Variants in PACS1 observed in about 807,000 individuals in gnomAD.
The protein encoded by PACS1 is phosphofurin acidic cluster sorting protein 1, also known as PACS-1.
PACS1 carries 24 observed loss-of-function variants against 115.0 expected under a neutral mutation model. That is an observed-to-expected ratio of 0.21 (90% CI 0.15 to 0.29). The LOEUF (loss-of-function observed/expected upper bound fraction) is 0.29. Ranked by LOEUF, PACS1 falls within the 10% of genes least tolerant of loss-of-function variation. The pLI is 1.00. For missense variants in PACS1, 838 were observed against 1,251.2 expected (o/e 0.67, Z 4.98); for synonymous variants, 453 against 504.5 (o/e 0.90, Z 1.37).
chr11:66,184,562 T>C (rs1357113439), intron 1 of PACS1, among the ~76,000 whole-genome samples: 1 of 152,210 alleles, frequency 6.6e-6, no homozygotes, highest in Non-Finnish European at 1.5e-5. Flanking sequence ...TACCCAGTTA[T>C]CAAGTAGACA....
At chr11:66,092,180 C>T (rs1857679396) in intron 1 of PACS1, among the ~76,000 whole-genome samples, 1 of 152,060 alleles carries the variant, frequency 6.6e-6, no homozygotes, top group Non-Finnish European at 1.5e-5. Flanking sequence ...CTCTCCAGCA[C>T]CTGTTGTTTC....
intron 1 of PACS1, among the ~76,000 whole-genome samples, chr11:66,137,053 C>G (rs1317035623): frequency 2.1e-5 from 3 of 141,672 alleles, no homozygotes; most frequent in Admixed American, 1.5e-4. Context: ...TCATTTGTCT[C>G]CAAGCTCTGT....
rs75325430 is a variant in PACS1 at position 66,155,125 on chromosome 11, A to G, written c.357-38361A>G. On this transcript the variant is annotated intron_variant, in intron 1 of 23. Coordinates refer to ENST00000320580, the MANE Select transcript of PACS1 (RefSeq NM_018026.4). ...TTAACCCATACCTTATACACTGCCC[A>G]GAAAGCTCAAAACGGACCAAAGTCC... 4.5e-3 allele frequency among the ~76,000 whole-genome samples: 681 copies of G among 152,346 alleles called. 1 individual carries two copies. Among genetic ancestry groups the G allele is most frequent in the African/African-American group, 0.016 (651 of 41,576 alleles).
chr11:66,232,530 A>G (rs1193742616), intron 14 of PACS1, among the ~76,000 whole-genome samples: 1 of 152,152 alleles, frequency 6.6e-6, no homozygotes, highest in Non-Finnish European at 1.5e-5. Flanking sequence ...AAACAAACAA[A>G]AAGCAACAGT....
intron 7 of PACS1, chr11:66,217,182 G>A (rs1212025940): frequency 7.0e-6 from 2 of 285,474 alleles, no homozygotes; most frequent in South Asian, 3.6e-5. Context: ...CTTAGGCAGA[G>A]ATAATAGGCT....
rs187576106 is a variant in PACS1, at chr11:66,173,255, T to C, written c.357-20231T>C. Among the ~76,000 whole-genome samples, 83 of 152,188 alleles carry C rather than the reference T, an allele frequency of 5.5e-4. 1 individual carries two copies. The highest frequency in any genetic ancestry group is 1.8e-3 in the Admixed American group (28 of 15,282). ...GCCATCTGAAAATGTCTTTAATTAA[T>C]GCCCATTCCTAAAATATATTTTATC... On this transcript the variant is annotated intron_variant, in intron 1 of 23. Coordinates refer to ENST00000320580, the MANE Select transcript of PACS1 (RefSeq NM_018026.4).
intron 1 of PACS1, among the ~76,000 whole-genome samples, chr11:66,071,192 C>T (rs1206271805): frequency 1.3e-5 from 2 of 152,228 alleles, no homozygotes. Flanking sequence ...GCTGTACATA[C>T]ATGGATGTGG....
At chr11:66,240,197 G>C (rs1855783334) in intron 21 of PACS1, among the ~76,000 whole-genome samples, 1 of 152,236 alleles carries the variant, frequency 6.6e-6, no homozygotes, top group Non-Finnish European at 1.5e-5. Context: ...GCGGAGCTCG[G>C]GTTCAGGCTG....
intron 2 of PACS1, among the ~76,000 whole-genome samples, chr11:66,200,388 C>T (rs976268886): frequency 1.3e-5 from 2 of 151,798 alleles, no homozygotes; most frequent in South Asian, 2.1e-4. Flanking sequence ...AAACATCTAT[C>T]GCCTACGAGA....
At chr11:66,112,022 G>A (rs6591205) in intron 1 of PACS1, among the ~76,000 whole-genome samples, 10,276 of 152,112 alleles carry the variant, frequency 0.068, 519 homozygotes, top group African/African-American at 0.15. Flanking sequence ...CCCATCCCCC[G>A]TGGTTCCCTT....
At chr11:66,207,335 C>T (rs1854964847) in intron 2 of PACS1, among the ~76,000 whole-genome samples, 1 of 152,060 alleles carries the variant, frequency 6.6e-6, no homozygotes, top group Admixed American at 6.6e-5. Context: ...GGCGTGATGG[C>T]ACTCACCTGT....
chr11:66,220,889 C>T, intron 9 of PACS1, 98 bp downstream of exon 9: 1 of 1,324,972 alleles, frequency 7.5e-7, no homozygotes, highest in Non-Finnish European at 1.0e-6. Flanking sequence ...ACCAGAGAAT[C>T]TTGGTCCTTC....
At chr11:66,155,388 C>T (rs896632245) in intron 1 of PACS1, among the ~76,000 whole-genome samples, 1 of 152,108 alleles carries the variant, frequency 6.6e-6, no homozygotes, top group Non-Finnish European at 1.5e-5. Context: ...TTGTAAAGAA[C>T]TCTTACAGTT....
chr11:66,149,040 C>A (rs144068714), intron 1 of PACS1, among the ~76,000 whole-genome samples: 6 of 149,852 alleles, frequency 4.0e-5, no homozygotes, highest in African/African-American at 1.5e-4. Context: ...TTGAGCAGCA[C>A]AGAAGTATAT....
chr11:66,199,350 T>G (rs1740986835), intron 2 of PACS1, among the ~76,000 whole-genome samples: 1 of 151,774 alleles, frequency 6.6e-6, no homozygotes, highest in Admixed American at 6.6e-5. Flanking sequence ...GGGATGAAGT[T>G]GAACTATAGA....
At chr11:66,238,208 CA>C (rs931288707) in intron 19 of PACS1, 2 of 985,178 alleles carry the variant, frequency 2.0e-6, no homozygotes, top group African/African-American at 3.5e-5. Context: ...CCAGGAAGAC[CA>C]GAGAGGAGAA....
intron 1 of PACS1, among the ~76,000 whole-genome samples, chr11:66,142,197 G>GAA: frequency 6.6e-6 from 1 of 152,172 alleles, no homozygotes; most frequent in Admixed American, 6.5e-5. Context: ...TGGGATTATG[G>GAA]ACATTGTTCT....
rs1855634131 is a variant in PACS1 at position 66,233,139 on chromosome 11, A to G, written c.1838+73A>G. On this transcript the variant is annotated intron_variant, in intron 15 of 23. Coordinates refer to ENST00000320580, the MANE Select transcript of PACS1 (RefSeq NM_018026.4). This position sits in a 1 kb window ranked among gnomAD's most constrained non-coding sequence, Gnocchi z 4.5. ...CCTCATCTTCCAACCCTGACTTCTA[A>G]GCAATGATAGACCCTCCTGGCCTCA... 1 of 1,138,420 alleles carries G rather than the reference A, an allele frequency of 8.8e-7. No homozygotes were observed. The highest frequency in any genetic ancestry group is 1.5e-5 in the African/African-American group (1 of 66,274). 70.5% of individuals were successfully genotyped at this position (1,138,420 alleles called of 1,614,324 possible).
intron 1 of PACS1, among the ~76,000 whole-genome samples, chr11:66,155,956 G>GTC (rs1361952860): frequency 6.6e-6 from 1 of 151,868 alleles, no homozygotes; most frequent in African/African-American, 2.4e-5. Flanking sequence ...AGACCCAGAG[G>GTC]TGTACATGCT....
Sources: allele counts gnomAD v4.1 joint callset (sites outside exome capture counted in the v4.1 genomes callset), GRCh38; gene constraint gnomAD v4.1.1; non-coding constraint Gnocchi (gnomAD v3.1); transcripts MANE v1.5; gene names NCBI Gene and HGNC (gene_info 2026-07-23, HGNC 2026-07-21).